SPAG16: variants seen among roughly 807,000 people sequenced by gnomAD.
SPAG16 encodes the protein sperm associated antigen 16.
In SPAG16, 86 loss-of-function variants were observed where a neutral mutation model predicts 80.4. The ratio of observed to expected loss-of-function variants is 1.07; its 90% CI spans 0.90 to 1.28. The LOEUF is 1.28. Ranked by LOEUF, SPAG16 falls within the 50% of genes most tolerant of loss-of-function variation. The pLI, the probability that SPAG16 is intolerant of heterozygous loss-of-function variation, is 0.00. For missense variants in SPAG16, 870 were observed against 765.3 expected, an observed-to-expected ratio of 1.14 and a Z score of -1.61; for synonymous variants, 294 against 265.9, an observed-to-expected ratio of 1.11 and a Z score of -1.03.
At chr2:213,576,413 G>A (rs1475475402) in intron 10 of SPAG16, among the ~76,000 whole-genome samples, 1 of 151,980 alleles carries the variant, frequency 6.6e-6, no homozygotes, top group Non-Finnish European at 1.5e-5. Context: ...AAGACAGTGT[G>A]GCAACTCCTT....
intron 15 of SPAG16, among the ~76,000 whole-genome samples, chr2:214,162,958 G>C (rs1041869143): frequency 6.6e-6 from 1 of 152,020 alleles, no homozygotes; most frequent in Non-Finnish European, 1.5e-5. Context: ...GCAGCAATTG[G>C]TTGATTCAAA....
chr2:214,272,457 C>T (rs1041769575), intron 15 of SPAG16, among the ~76,000 whole-genome samples: 1 of 152,126 alleles, frequency 6.6e-6, no homozygotes, highest in African/African-American at 2.4e-5. Context: ...CCCCCCAACC[C>T]ACAACAGGCC....
intron 15 of SPAG16, among the ~76,000 whole-genome samples, chr2:214,324,162 A>G (rs991199500): frequency 6.6e-6 from 1 of 152,232 alleles, no homozygotes; most frequent in Non-Finnish European, 1.5e-5. Context: ...AAATTAAAAT[A>G]TTAGTTTAGC....
At chr2:214,238,447 C>T (rs1559148136) in intron 15 of SPAG16, 1 of 155,564 alleles carries the variant, frequency 6.4e-6, no homozygotes, top group African/African-American at 2.4e-5. Flanking sequence ...ATAAATAATC[C>T]TACTGTTACC....
At chr2:214,132,788 C>A (rs1391710418) in intron 14 of SPAG16, among the ~76,000 whole-genome samples, 1 of 152,098 alleles carries the variant, frequency 6.6e-6, no homozygotes, top group East Asian at 1.9e-4. Flanking sequence ...ATTTGAGAGT[C>A]TCAAATTTGC....
chr2:213,718,149 CA>C (rs71063769), intron 10 of SPAG16, among the ~76,000 whole-genome samples: 342 of 92,244 alleles, frequency 3.7e-3, no homozygotes, highest in African/African-American at 0.013. Flanking sequence ...AACAAGTTTA[CA>C]AAAAAAAAAA....
intron 10 of SPAG16, among the ~76,000 whole-genome samples, chr2:213,728,566 T>A (rs959970394): frequency 6.6e-6 from 1 of 151,990 alleles, no homozygotes; most frequent in Non-Finnish European, 1.5e-5. Flanking sequence ...TAGGAAGATG[T>A]TGCTTTATAC....
At chr2:214,207,091 A>G (rs2058166309) in intron 15 of SPAG16, among the ~76,000 whole-genome samples, 1 of 152,160 alleles carries the variant, frequency 6.6e-6, no homozygotes, top group South Asian at 2.1e-4. Context: ...CTTCACTGAG[A>G]GCATTCTGCT....
chr2:214,011,055 T>C (rs1223407639), intron 12 of SPAG16, among the ~76,000 whole-genome samples: 1 of 145,680 alleles, frequency 6.9e-6, no homozygotes, highest in Admixed American at 6.7e-5. Flanking sequence ...CCTTTAGTTA[T>C]ACTTATTTTA....
chr2:213,290,511 A>G (rs1387085757), intron 1 of SPAG16, among the ~76,000 whole-genome samples: 1 of 152,228 alleles, frequency 6.6e-6, no homozygotes, highest in Non-Finnish European at 1.5e-5. Flanking sequence ...CAGACAGGGC[A>G]GAAAAAAATT....
intron 10 of SPAG16, among the ~76,000 whole-genome samples, chr2:213,752,906 C>T (rs1277462794): frequency 1.3e-5 from 2 of 152,190 alleles, no homozygotes; most frequent in African/African-American, 2.4e-5. Context: ...AGCTTACAAA[C>T]CATCGTCTTA....
intron 12 of SPAG16, among the ~76,000 whole-genome samples, chr2:213,962,197 GTT>G (rs1428699030): frequency 2.8e-5 from 4 of 141,440 alleles, no homozygotes; most frequent in Admixed American, 7.1e-5. Flanking sequence ...CTTTTTTTAT[GTT>G]TTTTTTTTTT....
intron 3 of SPAG16, 143 bp downstream of exon 3, chr2:213,297,500 C>A: frequency 2.0e-6 from 1 of 511,380 alleles, no homozygotes; most frequent in Non-Finnish European, 3.5e-6. Context: ...GTGATCAAGC[C>A]TTCACTTTAA....
rs113981630 is a variant in SPAG16, at chr2:213,489,070, A to G, written c.943-893A>G. Among the ~76,000 whole-genome samples, 1,276 of 146,964 alleles carry G rather than the reference A, an allele frequency of 8.7e-3. 27 individuals carry two copies. The highest frequency in any genetic ancestry group is 0.029 in the African/African-American group (1,190 of 40,356). ...ATCCTGGGCAACAAAGCGAGACTCC[A>G]TCTCAAAAACGAAAAAAAAAAAAAA... On this transcript the variant is annotated intron_variant, in intron 9 of 15. Transcript: ENST00000331683.
intron 13 of SPAG16, among the ~76,000 whole-genome samples, chr2:214,031,386 A>G (rs2048401816): frequency 1.5e-5 from 2 of 136,056 alleles, no homozygotes; most frequent in Admixed American, 1.5e-4. Context: ...GGAATTGAAC[A>G]ATGAGAACAC....
chr2:213,285,871 A>G (rs1365650310), intron 1 of SPAG16: 9 of 1,288,498 alleles, frequency 7.0e-6, no homozygotes, highest in South Asian at 1.2e-5. Flanking sequence ...AACGATTTTC[A>G]TAATTCTTCC....
intron 12 of SPAG16, among the ~76,000 whole-genome samples, chr2:214,000,303 A>G (rs1158092432): frequency 2.0e-5 from 3 of 152,100 alleles, no homozygotes; most frequent in African/African-American, 7.2e-5. Flanking sequence ...TGACGGTTTT[A>G]TCAGGGGTTT....
chr2:213,817,638 AATACT>A (rs1008452084), intron 10 of SPAG16, among the ~76,000 whole-genome samples: 6 of 152,178 alleles, frequency 3.9e-5, no homozygotes, highest in Non-Finnish European at 5.9e-5. Context: ...TATACCATAG[AATACT>A]ATACAGCCAT....
At chr2:213,953,820 A>T (rs1410769496) in intron 12 of SPAG16, among the ~76,000 whole-genome samples, 2 of 151,998 alleles carry the variant, frequency 1.3e-5, no homozygotes, top group Non-Finnish European at 2.9e-5. Context: ...AAAAATGAAA[A>T]AGTACTCAAA....
Sources: gnomAD v4.1 joint callset for allele counts (sites outside exome capture counted in the v4.1 genomes callset) on GRCh38, gnomAD v4.1.1 for gene constraint, MANE v1.5 for transcripts, NCBI Gene and HGNC (gene_info 2026-07-23, HGNC 2026-07-21) for gene names.